The following TCF12 variants were observed in gnomAD, a reference collection of about 807,000 sequenced individuals.
TCF12 encodes transcription factor 12, also known as DNA-binding protein HTF4.
Under a neutral mutation model 86.0 loss-of-function variants are expected in TCF12, and 45 were observed. The observed-to-expected ratio is 0.52, with a 90% CI of 0.41 to 0.67. The LOEUF (loss-of-function observed/expected upper bound fraction) is 0.67, where lower values mean the gene tolerates loss of function less well. Ranked by LOEUF, TCF12 falls within the 30% of genes least tolerant of loss-of-function variation. The probability of loss-of-function intolerance (pLI) is 0.00; values close to 1 mark genes in which losing one functional copy is unlikely to be tolerated. For missense variants in TCF12, 881 were observed against 859.9 expected (o/e 1.02, Z -0.31); for synonymous variants, 330 against 299.6 (o/e 1.10, Z -1.05).
At chr15:57,091,940 A>T (rs1277928818) in intron 5 of TCF12, 49 bp downstream of exon 5, 1 of 1,517,834 alleles carries the variant, frequency 6.6e-7, no homozygotes, top group African/African-American at 1.4e-5. Flanking sequence ...TTCTTTGGTC[A>T]GAGACATTTT....
chr15:57,088,486 A>C (rs1429079239), intron 4 of TCF12, among the ~76,000 whole-genome samples: 1 of 125,300 alleles, frequency 8.0e-6, no homozygotes, highest in African/African-American at 3.1e-5. Flanking sequence ...TTGCTATTCT[A>C]ATTGCTTTAG....
chr15:56,986,783 C>T (rs1242466491), intron 3 of TCF12, among the ~76,000 whole-genome samples: 1 of 152,072 alleles, frequency 6.6e-6, no homozygotes, highest in Non-Finnish European at 1.5e-5. Context: ...ACAAAATTGT[C>T]TCGTTAGATT....
chr15:56,922,140 G>A (rs571322438), intron 3 of TCF12, among the ~76,000 whole-genome samples: 2 of 151,966 alleles, frequency 1.3e-5, no homozygotes, highest in South Asian at 4.1e-4. Context: ...GGGGAGGGGG[G>A]AGAAAATTTA....
At chr15:57,246,539 A>G (rs1355439970) in intron 13 of TCF12, among the ~76,000 whole-genome samples, 1 of 80,594 alleles carries the variant, frequency 1.2e-5, no homozygotes, top group Non-Finnish European at 4.0e-5. Context: ...CTACATGCAG[A>G]CATATCTCCA....
intron 20 of TCF12, among the ~76,000 whole-genome samples, chr15:57,285,611 GC>G (rs146036584): frequency 0.012 from 1,883 of 152,260 alleles, 45 homozygotes; most frequent in African/African-American, 0.043. Flanking sequence ...CAAATTGAGG[GC>G]TTTACCATTG....
intron 3 of TCF12, among the ~76,000 whole-genome samples, chr15:57,041,687 T>C (rs1289718559): frequency 6.6e-6 from 1 of 152,202 alleles, no homozygotes; most frequent in African/African-American, 2.4e-5. Context: ...TAAATGGGCT[T>C]ATTTTGGCAA....
chr15:57,205,080 AGG>A (rs1163239122), intron 8 of TCF12, among the ~76,000 whole-genome samples: 3 of 152,138 alleles, frequency 2.0e-5, no homozygotes, highest in African/African-American at 7.2e-5. Context: ...TGGGAGGTGG[AGG>A]CGGGCAGATC....
chr15:57,109,137 T>A (rs1337311847), intron 5 of TCF12: 1 of 152,202 alleles, frequency 6.6e-6, no homozygotes, highest in African/African-American at 2.4e-5. Flanking sequence ...TGCTTCAGTG[T>A]GTCAGTTAAT....
intron 12 of TCF12, among the ~76,000 whole-genome samples, chr15:57,241,819 C>A (rs766813321): frequency 1.3e-5 from 2 of 152,046 alleles, no homozygotes; most frequent in African/African-American, 2.4e-5. Flanking sequence ...ATAGCGAAAT[C>A]TTTTCTCTAC....
At chr15:56,923,512 G>A (rs1426489742) in intron 3 of TCF12, among the ~76,000 whole-genome samples, 1 of 152,140 alleles carries the variant, frequency 6.6e-6, no homozygotes, top group African/African-American at 2.4e-5. Flanking sequence ...TCTGTGAAGT[G>A]TTCCTAAAGT....
intron 12 of TCF12, 114 bp from the exon 13 acceptor site, chr15:57,243,358 A>G (rs1400300104): frequency 6.1e-6 from 5 of 813,984 alleles, no homozygotes; most frequent in Non-Finnish European, 9.6e-6. Flanking sequence ...AAATTTTTTC[A>G]CTCTGAAGTC....
intron 12 of TCF12, among the ~76,000 whole-genome samples, chr15:57,237,362 TCCGGG>T (rs1326565865): frequency 6.6e-6 from 1 of 152,188 alleles, no homozygotes; most frequent in Non-Finnish European, 1.5e-5. Context: ...GGCTCACAGT[TCCGGG>T]GTTGGGCTTG....
intron 5 of TCF12, among the ~76,000 whole-genome samples, chr15:57,122,563 G>A (rs931872495): frequency 9.9e-5 from 15 of 152,282 alleles, no homozygotes; most frequent in Non-Finnish European, 1.9e-4. Flanking sequence ...TTGTGATTGA[G>A]GAAGTAGAAC....
chr15:57,021,828 T>A (rs1265265443), intron 3 of TCF12, among the ~76,000 whole-genome samples: 1 of 152,048 alleles, frequency 6.6e-6, no homozygotes, highest in East Asian at 1.9e-4. Flanking sequence ...GGCCGACTTT[T>A]CCTATAGGCG....
intron 6 of TCF12, among the ~76,000 whole-genome samples, chr15:57,177,550 C>T (rs1001129221): frequency 6.2e-5 from 9 of 146,078 alleles, no homozygotes; most frequent in Admixed American, 6.9e-5. Context: ...GGATTACAGG[C>T]GTGAGCCACT....
intron 3 of TCF12, among the ~76,000 whole-genome samples, 171 bp downstream of exon 3, chr15:56,921,269 CAG>C (rs1199212072): frequency 6.6e-6 from 1 of 151,984 alleles, no homozygotes; most frequent in Non-Finnish European, 1.5e-5. Context: ...ACAGTTCCCT[CAG>C]AAATCTGTAG....
intron 5 of TCF12, among the ~76,000 whole-genome samples, chr15:57,138,291 A>C (rs1208433608): frequency 6.6e-6 from 1 of 152,194 alleles, no homozygotes; most frequent in Non-Finnish European, 1.5e-5. Flanking sequence ...TTCATTTAAC[A>C]CTGCTTCTCT....
At chr15:57,064,688 C>G (rs560205947) in intron 4 of TCF12, among the ~76,000 whole-genome samples, 1 of 148,682 alleles carries the variant, frequency 6.7e-6, no homozygotes, top group Admixed American at 6.8e-5. Flanking sequence ...CCCAGCTACT[C>G]GGGAGGCTGA....
chr15:57,075,835 T>TCTCTC (rs778545170), intron 4 of TCF12, among the ~76,000 whole-genome samples: 5 of 50,000 alleles, frequency 1.0e-4, no homozygotes, highest in Non-Finnish European at 1.1e-4. Flanking sequence ...TCTCTCTCTC[T>TCTCTC]TTTCTTTCTT....
Sources: gnomAD v4.1 joint callset for allele counts (sites outside exome capture counted in the v4.1 genomes callset) on GRCh38, gnomAD v4.1.1 for gene constraint, MANE v1.5 for transcripts, NCBI Gene and HGNC (gene_info 2026-07-23, HGNC 2026-07-21) for gene names.